The following CXCL12 variants were observed in gnomAD, a reference collection of about 807,000 sequenced individuals.
CXCL12 encodes the protein stromal cell-derived factor 1.
CXCL12 carries 4 observed loss-of-function variants against 10.7 expected under a neutral mutation model. The observed-to-expected ratio is 0.37, with a 90% CI of 0.18 to 0.86. CXCL12 has a LOEUF of 0.86. CXCL12 is among the 40% of genes least tolerant of loss of function. CXCL12 has a pLI of 0.43. For synonymous variants in CXCL12, 54 were observed against 45.4 expected (o/e 1.19, Z -0.77); for missense variants, 122 against 110.4 (o/e 1.10, Z -0.47).
chr10:44,376,558 T>C (rs1447165203), downstream of CXCL12, among the ~76,000 whole-genome samples: 1 of 152,230 alleles, frequency 6.6e-6, no homozygotes, highest in Non-Finnish European at 1.5e-5. Flanking sequence ...TCTAGACGCC[T>C]GTGAACACTC....
In CXCL12 at chr10:44,377,181, T is replaced by A; in HGVS notation, c.*1452A>T. 5 of 986,892 alleles carry A rather than the reference T, an allele frequency of 5.1e-6. No individual in the cohort carries two copies. Among genetic ancestry groups the A allele is most frequent in the Non-Finnish European group, 6.0e-6 (5 of 830,972 alleles). The allele number at this position is 986,892 out of a possible 1,614,324, so 61.1% of individuals were successfully genotyped here. On this transcript the variant is annotated 3_prime_UTR_variant, in exon 3 of 3. Transcript: ENST00000343575. ...ATTGCTAGTGCATATAATGTCACAT[T>A]TGATACAATTTTAGTACAAGTGAAA...
intron 2 of CXCL12, among the ~76,000 whole-genome samples, chr10:44,380,033 C>T (rs967582546): frequency 6.6e-6 from 1 of 152,188 alleles, no homozygotes; most frequent in African/African-American, 2.4e-5. Context: ...AACTTCTGAG[C>T]AATCAAATCC....
chr10:44,372,703 A>T, downstream of CXCL12: 1 of 1,423,298 alleles, frequency 7.0e-7, no homozygotes, highest in South Asian at 1.5e-5. Flanking sequence ...CAGAACGTGG[A>T]GGATGTGGAG....
chr10:44,379,496 A>T lies in CXCL12; in HGVS notation c.180-773T>A, dbSNP rs574041093. 3.9e-5 allele frequency among the ~76,000 whole-genome samples: 6 copies of T among 152,276 alleles called. No individual in the cohort carries two copies. In the South Asian group the frequency reaches 1.2e-3, roughly 32 times the overall value. On this transcript the variant is annotated intron_variant, in intron 2 of 2. Transcript: ENST00000343575. ...GTAATCTCATGCAGCCCAAGTACTT[A>T]AGGGTCTTGAGGACAGCTAAGCCCC...
intron 2 of CXCL12, among the ~76,000 whole-genome samples, chr10:44,379,649 T>A (rs1401091944): frequency 6.6e-6 from 1 of 152,198 alleles, no homozygotes; most frequent in Non-Finnish European, 1.5e-5. Flanking sequence ...TATTCTTTGT[T>A]AATTTAGTGT....
chr10:44,377,936 A>T lies in CXCL12; in HGVS notation c.*697T>A. Reference sequence around the variant, plus strand: ...GAAATGAGAAGCAGAAGCAAGATTAAGCATGCTCTCGGAGTCGGGGAGAGA... The same window carrying T: ...GAAATGAGAAGCAGAAGCAAGATTATGCATGCTCTCGGAGTCGGGGAGAGA... On this transcript the variant is annotated 3_prime_UTR_variant, in exon 3 of 3. Transcript: ENST00000343575. 6.5e-7 allele frequency: 1 copy of T among 1,539,440 alleles called. No homozygotes were observed. Among genetic ancestry groups the T allele is most frequent in the Non-Finnish European group, 8.7e-7 (1 of 1,151,020 alleles).
downstream of CXCL12, chr10:44,372,617 T>G (rs1257602774): frequency 6.0e-6 from 8 of 1,325,072 alleles, no homozygotes; most frequent in Non-Finnish European, 6.7e-6. Context: ...AAAGCTTTGG[T>G]CCTGAGAGTC....
Position 44,378,558 on chromosome 10 carries a change from T to C in CXCL12, c.*75A>G. 2 of 1,608,232 alleles carry C rather than the reference T, an allele frequency of 1.2e-6. No individual in the cohort carries two copies. Among genetic ancestry groups the C allele is most frequent in the Non-Finnish European group, 1.7e-6 (2 of 1,176,394 alleles). On this transcript the variant is annotated 3_prime_UTR_variant, in exon 3 of 3. Transcript: ENST00000343575. ...GGTTAAGGCCCCCTCCCCCACGTCT[T>C]TGCCCTTTCATCTCTCACAAGGTTT...
At chr10:44,376,076 A>C (rs756401034), downstream of CXCL12, 115 of 1,602,464 alleles carry the variant, frequency 7.2e-5, no homozygotes, top group Middle Eastern at 1.3e-3. Flanking sequence ...GGAAATAAAC[A>C]AAAGTTCGTC....
rs1316806287 is a variant in CXCL12 at position 44,380,837 on chromosome 10, G to A, written c.105C>T (p.Phe35=). 6.2e-6 allele frequency: 10 copies of A among 1,614,224 alleles called. No homozygotes were observed. Among genetic ancestry groups the A allele is most frequent in the Admixed American group, 3.3e-5 (2 of 60,026 alleles). The change falls in exon 2 of 3, where the codon TTC becomes TTT. Residue 35 remains phenylalanine, a synonymous_variant. Coordinates refer to ENST00000343575, the MANE Select transcript of CXCL12 (RefSeq NM_199168.4). The stretch of plus-strand genomic sequence containing the variant: ...CGTTGGCTCTGGCAACATGGCTTTC[G>A]AAGAATCGGCATGGGCATCTGTAGC... ...SLSYRCPCRF[F]ESHVARANVK...
rs535585766 is a variant in CXCL12, at chr10:44,378,298, T to G, written c.*335A>C. On this transcript the variant is annotated 3_prime_UTR_variant, in exon 3 of 3. Coordinates refer to ENST00000343575, the MANE Select transcript of CXCL12 (RefSeq NM_199168.4). ...ATTTAAAAAATGAGAATGAGAATGA[T>G]GATGATTGTGATGATCATGAAGGAA... The G allele has an allele frequency of 2.0e-5, 30 of 1,471,270 alleles. No individual in the cohort carries two copies. Among genetic ancestry groups the G allele is most frequent in the Non-Finnish European group, 2.7e-5 (30 of 1,099,850 alleles). The allele number at this position is 1,471,270 out of a possible 1,614,324, so 91.1% of individuals were successfully genotyped here. A position where few individuals can be genotyped will look rare whatever the true frequency, so the allele number is the denominator to read the frequency against.
chr10:44,374,037 C>T (rs1312363436), downstream of CXCL12, among the ~76,000 whole-genome samples: 4 of 152,226 alleles, frequency 2.6e-5, no homozygotes, highest in Non-Finnish European at 5.9e-5. Context: ...CCAGGAGCTT[C>T]ACAAGCCACT....
At chr10:44,370,786 A>G (rs1839295798) in exon 4 of CXCL12, 1 of 152,282 alleles carries the variant, frequency 6.6e-6, no homozygotes, top group African/African-American at 2.4e-5. Flanking sequence ...GTAATCTCTA[A>G]TAACAAGCAG....
At chr10:44,383,268 C>A in intron 1 of CXCL12, among the ~76,000 whole-genome samples, 1 of 152,190 alleles carries the variant, frequency 6.6e-6, no homozygotes, top group East Asian at 1.9e-4. Flanking sequence ...GTGTAAGGAG[C>A]AGATCTGCCT....
downstream of CXCL12, chr10:44,372,745 C>T (rs1839346191): frequency 2.1e-6 from 3 of 1,436,410 alleles, no homozygotes; most frequent in South Asian, 3.0e-5. Context: ...TCTCACTCTG[C>T]CCTGGCCTCA....
chr10:44,384,634 C>T (rs900491410), intron 1 of CXCL12, among the ~76,000 whole-genome samples: 3 of 152,190 alleles, frequency 2.0e-5, no homozygotes, highest in African/African-American at 7.2e-5. Flanking sequence ...TCCGCGGCTC[C>T]CCACCCTCGC....
downstream of CXCL12, chr10:44,372,439 G>T (rs992774463): frequency 3.9e-5 from 8 of 204,036 alleles, no homozygotes; most frequent in East Asian, 1.2e-3. Context: ...CGGCTGCACA[G>T]GGGGAACAGT....
At chr10:44,384,420 G>A (rs1839732613) in intron 1 of CXCL12, among the ~76,000 whole-genome samples, 2 of 152,204 alleles carry the variant, frequency 1.3e-5, no homozygotes, top group Non-Finnish European at 2.9e-5. Flanking sequence ...GATCGGCTTC[G>A]CAGGGAGCGG....
chr10:44,383,285 C>G (rs527982982), intron 1 of CXCL12, among the ~76,000 whole-genome samples: 41 of 152,266 alleles, frequency 2.7e-4, no homozygotes, highest in African/African-American at 8.9e-4. Flanking sequence ...GCCTGGAGCC[C>G]AGGCTCCTGC....
Sources: allele counts gnomAD v4.1 joint callset (sites outside exome capture counted in the v4.1 genomes callset), GRCh38; gene constraint gnomAD v4.1.1; transcripts MANE v1.5; gene names NCBI Gene and HGNC (gene_info 2026-07-23, HGNC 2026-07-21).